Variants in SPOCK3 observed in about 807,000 individuals in gnomAD.
SPOCK3 encodes testican-3.
SPOCK3 carries 30 observed loss-of-function variants against 56.6 expected under a neutral mutation model. The observed-to-expected ratio is 0.53, with a 90% CI of 0.40 to 0.72. The LOEUF is 0.72. Ranked by LOEUF, SPOCK3 falls within the 30% of genes least tolerant of loss-of-function variation. The pLI is 0.00. For synonymous variants in SPOCK3, 196 were observed against 183.3 expected (o/e 1.07, Z -0.56); for missense variants, 527 against 530.0 (o/e 0.99, Z 0.06).
intron 3 of SPOCK3, among the ~76,000 whole-genome samples, chr4:167,061,734 G>T (rs1052964180): frequency 7.9e-5 from 12 of 151,844 alleles, no homozygotes; most frequent in African/African-American, 2.4e-4. Context: ...ATTATCTTTT[G>T]CACGGTTACT....
chr4:167,231,597 C>A (rs571089525), intron 2 of SPOCK3, among the ~76,000 whole-genome samples: 1 of 152,116 alleles, frequency 6.6e-6, no homozygotes, highest in South Asian at 2.1e-4. Context: ...CCATGTGCTT[C>A]CAGCTGAAAA....
At chr4:167,192,693 A>G (rs184115335) in intron 2 of SPOCK3, among the ~76,000 whole-genome samples, 6 of 145,294 alleles carry the variant, frequency 4.1e-5, no homozygotes, top group Non-Finnish European at 7.5e-5. Context: ...CAAGATGTAC[A>G]GTTATTTGTT....
At chr4:167,214,365 T>C (rs1211283966) in intron 2 of SPOCK3, among the ~76,000 whole-genome samples, 4 of 152,090 alleles carry the variant, frequency 2.6e-5, no homozygotes, top group Non-Finnish European at 5.9e-5. Context: ...TTTTAGATTC[T>C]CCAGAGTTGA....
At chr4:167,162,992 A>G (rs765832741) in intron 2 of SPOCK3, among the ~76,000 whole-genome samples, 9 of 152,030 alleles carry the variant, frequency 5.9e-5, no homozygotes, top group East Asian at 5.8e-4. Context: ...TACAATATAA[A>G]TATCAACTTA....
intron 2 of SPOCK3, among the ~76,000 whole-genome samples, chr4:167,150,102 G>A (rs1160783371): frequency 2.6e-5 from 4 of 152,056 alleles, no homozygotes; most frequent in African/African-American, 2.4e-5. Context: ...AGACACCTAC[G>A]CAGTAGATAT....
At chr4:166,749,279 C>T (rs1736048385) in intron 8 of SPOCK3, among the ~76,000 whole-genome samples, 1 of 137,510 alleles carries the variant, frequency 7.3e-6, no homozygotes, top group Non-Finnish European at 1.5e-5. Context: ...AAATGTGGCA[C>T]ATATACATCT....
At chr4:166,781,997 T>C in intron 7 of SPOCK3, among the ~76,000 whole-genome samples, 1 of 152,186 alleles carries the variant, frequency 6.6e-6, no homozygotes, top group East Asian at 1.9e-4. Flanking sequence ...TTTACACATT[T>C]ATGGGATATG....
chr4:167,129,029 G>C (rs1414334810), intron 2 of SPOCK3, among the ~76,000 whole-genome samples: 2 of 152,114 alleles, frequency 1.3e-5, no homozygotes, highest in African/African-American at 4.8e-5. Context: ...TGATTCAGGG[G>C]CTGCTGGCCA....
At chr4:167,017,082 G>A (rs1363650786) in intron 3 of SPOCK3, among the ~76,000 whole-genome samples, 1 of 152,082 alleles carries the variant, frequency 6.6e-6, no homozygotes, top group African/African-American at 2.4e-5. Context: ...GGGGAAAAAT[G>A]GAGAAATAAC....
At chr4:167,014,214 T>C (rs527256002) in intron 3 of SPOCK3, among the ~76,000 whole-genome samples, 1 of 151,856 alleles carries the variant, frequency 6.6e-6, no homozygotes, top group Admixed American at 6.6e-5. Context: ...CTCCATGCAA[T>C]AAAATCCTTT....
chr4:167,003,634 A>G (rs933086474), intron 3 of SPOCK3, among the ~76,000 whole-genome samples: 13 of 152,200 alleles, frequency 8.5e-5, no homozygotes, highest in South Asian at 2.1e-4. Context: ...TCTGTTCCGC[A>G]TGATTGTATT....
chr4:166,991,607 T>G (rs770783685), intron 4 of SPOCK3, among the ~76,000 whole-genome samples: 10 of 151,934 alleles, frequency 6.6e-5, no homozygotes, highest in Admixed American at 2.0e-4. Flanking sequence ...TGGCCTCAAG[T>G]CACCTGCCCA....
intron 4 of SPOCK3, among the ~76,000 whole-genome samples, chr4:166,971,271 TC>T (rs1433983773): frequency 6.6e-6 from 1 of 151,818 alleles, no homozygotes; most frequent in Admixed American, 6.6e-5. Flanking sequence ...TTTTTATTTT[TC>T]CCCCCATGTT....
chr4:167,099,874 C>T (rs1321349537), intron 2 of SPOCK3, among the ~76,000 whole-genome samples: 3 of 152,026 alleles, frequency 2.0e-5, no homozygotes, highest in African/African-American at 2.4e-5. Context: ...ACTATTCAAA[C>T]GCATCTTGGT....
intron 4 of SPOCK3, among the ~76,000 whole-genome samples, chr4:166,967,427 C>G (rs995054612): frequency 1.3e-5 from 2 of 152,058 alleles, no homozygotes; most frequent in Non-Finnish European, 2.9e-5. Flanking sequence ...GGGGAGGGAC[C>G]TGGTGATTGG....
intron 3 of SPOCK3, among the ~76,000 whole-genome samples, chr4:167,017,576 C>A (rs1201546027): frequency 2.0e-5 from 3 of 152,064 alleles, no homozygotes; most frequent in Non-Finnish European, 2.9e-5. Context: ...CCCAGACTGA[C>A]ACTATCTTGG....
chr4:166,889,319 G>T, intron 5 of SPOCK3, 75 bp from the exon 6 acceptor site: 1 of 960,230 alleles, frequency 1.0e-6, no homozygotes, highest in Non-Finnish European at 1.6e-6. Context: ...TTTTTAGAAA[G>T]AAAGGTAATT....
rs1476597940 is a variant in SPOCK3, at chr4:166,837,557, T to TG, written c.590-45269_590-45268insC. On this transcript the variant is annotated intron_variant, in intron 6 of 10. Transcript: ENST00000357545. ...ACTGATATTATCATTTCACTAGTTG[T>TG]AAAGAACTATAGAAATTGTACTTCC... Among the ~76,000 whole-genome samples, 212 of 152,326 alleles carry TG rather than the reference T, an allele frequency of 1.4e-3. 1 individual carries two copies. The highest frequency in any genetic ancestry group is 4.9e-3 in the African/African-American group (205 of 41,588).
At position 167,076,461 on chromosome 4, in the gene SPOCK3, TA is replaced by T. The variant is rs563140269; in HGVS notation, c.190-13925del. Among the ~76,000 whole-genome samples the T allele has an allele frequency of 3.0e-3, 457 of 151,220 alleles. 1 individual carries two copies. Among genetic ancestry groups the T allele is most frequent in the Non-Finnish European group, 5.2e-3 (355 of 67,708 alleles). ...TATTGCTAGGAACCTAAAACTGTTC[TA>T]AAAAAAAGAAAAGTCTATTATATTA... On this transcript the variant is annotated intron_variant, in intron 2 of 10. Transcript: ENST00000357545.
Sources: allele counts gnomAD v4.1 joint callset (sites outside exome capture counted in the v4.1 genomes callset), GRCh38; gene constraint gnomAD v4.1.1; transcripts MANE v1.5; gene names NCBI Gene and HGNC (gene_info 2026-07-23, HGNC 2026-07-21).